Variants in CNNM2 observed in about 807,000 individuals in gnomAD.
CNNM2 encodes cyclin and CBS domain divalent metal cation transport mediator 2.
A neutral mutation model predicts 66.9 loss-of-function variants in CNNM2; 12 were observed. The ratio of observed to expected loss-of-function variants is 0.18; its 90% CI spans 0.11 to 0.29. The LOEUF (loss-of-function observed/expected upper bound fraction) is 0.29. Among genes scored for constraint, CNNM2 ranks in the 10% least tolerant of loss-of-function variants. The probability of loss-of-function intolerance (pLI) is 1.00; values close to 1 mark genes in which losing one functional copy is unlikely to be tolerated. For synonymous variants in CNNM2, 557 were observed against 501.8 expected, an observed-to-expected ratio of 1.11 and a Z score of -1.47; for missense variants, 705 against 1,167.7, an observed-to-expected ratio of 0.60 and a Z score of 5.77.
rs1051443046 is a variant in CNNM2, at chr10:103,081,222, C to G, written c.*4042C>G. 3.3e-5 allele frequency: 5 copies of G among 152,234 alleles called. No individual in the cohort carries two copies. The highest frequency in any genetic ancestry group is 9.7e-5 in the African/African-American group (4 of 41,448). The allele number at this position is 152,234 out of a possible 1,614,324, so 9.4% of individuals were successfully genotyped here. ...CTTTTGAGCCCAGATATGGGCTTTT[C>G]TTTGCAAAGGGTTGAGGAGAAATAC... On this transcript the variant is annotated 3_prime_UTR_variant, in exon 8 of 8. Coordinates refer to ENST00000369878, the MANE Select transcript of CNNM2 (RefSeq NM_017649.5).
intron 1 of CNNM2, among the ~76,000 whole-genome samples, chr10:103,034,987 A>ATAAAT (rs1554901999): frequency 6.8e-6 from 1 of 147,610 alleles, no homozygotes; most frequent in Non-Finnish European, 1.5e-5. Context: ...AAAAAAAAAA[A>ATAAAT]AAATCTCCTA....
At chr10:102,939,243 A>G (rs1400304581) in intron 1 of CNNM2, among the ~76,000 whole-genome samples, 2 of 152,228 alleles carry the variant, frequency 1.3e-5, no homozygotes, top group East Asian at 3.8e-4. Flanking sequence ...GTGCAGGATC[A>G]GAGGCTAATT....
chr10:102,919,293 G>A lies in CNNM2; in HGVS notation c.813G>A (p.Met271Ile). ...FISLLLCLSGMFSGLNLGLMA... is the reference protein window; with the variant it reads ...FISLLLCLSGIFSGLNLGLMA... The stretch of plus-strand genomic sequence containing the variant: ...CGCTGCTGCTGTGCCTGTCGGGCAT[G>A]TTCAGCGGCCTCAACCTGGGGCTCA... The change falls in exon 1 of 8, where the codon ATG becomes ATA. Residue 271 changes from methionine (M) to isoleucine (I), a missense_variant. Coordinates refer to ENST00000369878, the MANE Select transcript of CNNM2 (RefSeq NM_017649.5). 1 of 1,613,894 alleles carries A rather than the reference G, an allele frequency of 6.2e-7. No homozygotes were observed. The highest frequency in any genetic ancestry group is 8.5e-7 in the Non-Finnish European group (1 of 1,180,042).
chr10:103,029,199 C>A (rs1469473073), intron 1 of CNNM2, among the ~76,000 whole-genome samples: 1 of 151,462 alleles, frequency 6.6e-6, no homozygotes, highest in Admixed American at 6.6e-5. Flanking sequence ...CATGGTGGCT[C>A]ACACCTGTAA....
chr10:103,061,221 C>T (rs991548768), intron 4 of CNNM2, among the ~76,000 whole-genome samples: 16 of 151,972 alleles, frequency 1.1e-4, no homozygotes, highest in African/African-American at 3.4e-4. Flanking sequence ...GGTGAAACCC[C>T]GTCTCTACTA....
At chr10:103,011,347 G>A (rs1417165821) in intron 1 of CNNM2, among the ~76,000 whole-genome samples, 1 of 152,136 alleles carries the variant, frequency 6.6e-6, no homozygotes, top group Non-Finnish European at 1.5e-5. Context: ...CAGCTACTCA[G>A]GAGGCTGAGG....
chr10:103,059,166 G>A (rs1008544322), intron 4 of CNNM2, among the ~76,000 whole-genome samples: 2 of 152,198 alleles, frequency 1.3e-5, no homozygotes, highest in Non-Finnish European at 2.9e-5. Context: ...TCGAGATGGG[G>A]TTTCACCTTG....
At chr10:102,946,474 T>C (rs1361179482) in intron 1 of CNNM2, among the ~76,000 whole-genome samples, 1 of 152,232 alleles carries the variant, frequency 6.6e-6, no homozygotes, top group East Asian at 1.9e-4. Flanking sequence ...ATTGAACTTG[T>C]ATATTGACAG....
chr10:102,964,411 T>C (rs990300065), intron 1 of CNNM2, among the ~76,000 whole-genome samples: 10 of 152,096 alleles, frequency 6.6e-5, no homozygotes, highest in Admixed American at 2.0e-4. Flanking sequence ...GTATTTTTAG[T>C]GGAGACAGGG....
intron 3 of CNNM2, among the ~76,000 whole-genome samples, chr10:103,056,102 T>A (rs1300825037): frequency 3.4e-5 from 5 of 147,940 alleles, no homozygotes; most frequent in East Asian, 4.3e-4. Context: ...AAAAAAAAAA[T>A]TTAAATTAAA....
chr10:102,984,808 G>T (rs2063771747), intron 1 of CNNM2, among the ~76,000 whole-genome samples: 1 of 151,936 alleles, frequency 6.6e-6, no homozygotes, highest in Admixed American at 6.6e-5. Context: ...CACTACGCCT[G>T]GCTAATTTTT....
At chr10:102,940,572 C>T (rs1424231813) in intron 1 of CNNM2, among the ~76,000 whole-genome samples, 1 of 150,390 alleles carries the variant, frequency 6.6e-6, no homozygotes. Flanking sequence ...GTGCCTGCCA[C>T]CATGCCTGGC....
chr10:102,942,388 G>C (rs1253503171), intron 1 of CNNM2, among the ~76,000 whole-genome samples: 1 of 152,116 alleles, frequency 6.6e-6, no homozygotes, highest in Non-Finnish European at 1.5e-5. Context: ...GACTTCTCCA[G>C]GTACCTCATA....
At chr10:102,983,207 GT>G (rs1019849632) in intron 1 of CNNM2, among the ~76,000 whole-genome samples, 2 of 151,130 alleles carry the variant, frequency 1.3e-5, no homozygotes, top group African/African-American at 2.4e-5. Flanking sequence ...TTAATGACAA[GT>G]TTTTTTGTGT....
At chr10:102,975,108 T>C (rs1216812967) in intron 1 of CNNM2, among the ~76,000 whole-genome samples, 3 of 152,128 alleles carry the variant, frequency 2.0e-5, no homozygotes, top group African/African-American at 7.2e-5. Context: ...AAGACTAATT[T>C]GCAGTGAGAG....
Position 102,986,797 on chromosome 10 carries a change from G to A in CNNM2, c.1622-62910G>A, listed in dbSNP as rs189136961. On this transcript the variant is annotated intron_variant, in intron 1 of 7. Coordinates refer to ENST00000369878, the MANE Select transcript of CNNM2 (RefSeq NM_017649.5). ...TCAGTCTCAAAAAAAAAAAAAAAAA[G>A]TTTTTATCCTCCAGATCGTAGAATT... Among the ~76,000 whole-genome samples, 57 of 114,560 alleles carry A rather than the reference G, an allele frequency of 5.0e-4. 1 individual carries two copies. Among genetic ancestry groups the A allele is most frequent in the African/African-American group, 1.8e-3 (55 of 30,796 alleles). 75.2% of individuals were successfully genotyped at this position (114,560 alleles called of 152,430 possible).
chr10:102,941,628 C>T (rs992448808), intron 1 of CNNM2, among the ~76,000 whole-genome samples: 21 of 152,176 alleles, frequency 1.4e-4, no homozygotes, highest in Admixed American at 1.2e-3. Flanking sequence ...AATGTCCTTT[C>T]GCCAGATAGC....
At chr10:103,034,077 G>T (rs1328839350) in intron 1 of CNNM2, among the ~76,000 whole-genome samples, 1 of 151,668 alleles carries the variant, frequency 6.6e-6, no homozygotes, top group Non-Finnish European at 1.5e-5. Context: ...CATTGGATAA[G>T]AATTTATCTA....
rs371126297 is a variant in CNNM2, at chr10:102,956,288, C to CAA, written c.1621+36206_1621+36207dup. Among the ~76,000 whole-genome samples the CAA allele has an allele frequency of 0.36, 26,310 of 73,734 alleles. 4,147 individuals are homozygous for CAA. The highest frequency in any genetic ancestry group is 0.4 in the Non-Finnish European group (15,564 of 39,290). 48.4% of individuals were successfully genotyped at this position (73,734 alleles called of 152,430 possible). A position where few individuals can be genotyped will look rare whatever the true frequency, so the allele number is the denominator to read the frequency against. On this transcript the variant is annotated intron_variant, in intron 1 of 7. Coordinates refer to ENST00000369878, the MANE Select transcript of CNNM2 (RefSeq NM_017649.5). ...GGGCAATAAGAGCAAGATTCCATCT[C>CAA]AAAAAAAAAAAAAAAAAAAAGTCAG...
Sources: gnomAD v4.1 joint callset for allele counts (sites outside exome capture counted in the v4.1 genomes callset) on GRCh38, gnomAD v4.1.1 for gene constraint, MANE v1.5 for transcripts, NCBI Gene and HGNC (gene_info 2026-07-23, HGNC 2026-07-21) for gene names.